Variants in TEX15 observed in about 807,000 individuals in gnomAD.
The protein encoded by TEX15 is testis expressed 15, meiosis and synapsis associated.
In TEX15, 171 loss-of-function variants were observed where a neutral mutation model predicts 237.3. The ratio of observed to expected loss-of-function variants is 0.72; its 90% CI spans 0.64 to 0.82. The LOEUF is 0.82. Among genes scored for constraint, TEX15 ranks in the 40% least tolerant of loss-of-function variants. The pLI is 0.00. For missense variants in TEX15, 3,750 were observed against 3,646.5 expected (o/e 1.03, Z -0.73); for synonymous variants, 1,338 against 1,269.8 (o/e 1.05, Z -1.14).
rs61732459 is a variant in TEX15, at chr8:30,845,064, A to T, written c.5103T>A (p.Leu1701=). 3,837 of 1,613,544 alleles carry T rather than the reference A, an allele frequency of 2.4e-3. 93 individuals are homozygous for T. In the African/African-American group the frequency reaches 0.045, roughly 19 times the overall value. Residue 1701 remains leucine (L), a synonymous_variant, in exon 8 of 11, where the codon CTT becomes CTA. Coordinates refer to ENST00000643185, the MANE Select transcript of TEX15 (RefSeq NM_001350162.2). ...PKQNIITGNF[L]MGPLNLTLIA... is the part of the protein sequence containing the mutation. ...TCAAAGTTAGGTTTAATGGGCCCAT[A>T]AGGAAGTTTCCTGTAATAATGTTTT... is the stretch of plus-strand genomic sequence containing the variant.
chr8:30,859,011 A>AT (rs767146759), intron 6 of TEX15, among the ~76,000 whole-genome samples, 181 bp from the exon 7 acceptor site: 3 of 151,222 alleles, frequency 2.0e-5, no homozygotes, highest in Non-Finnish European at 4.4e-5. Context: ...CTCCCCCACA[A>AT]TTTTTTTTTG....
chr8:30,842,153 T>C lies in TEX15; in HGVS notation c.8014A>G (p.Ser2672Gly). Reference protein sequence around the residue: ...VKPGENNNKFSISTMLPPVSE... With the variant: ...VKPGENNNKFGISTMLPPVSE... ...ACTGGGGGCAACATCGTAGAAATAC[T>C]AAATTTATTGTTATTTTCCCCAGGT... The change falls in exon 8 of 11, where the codon AGT becomes GGT. Residue 2672 changes from serine to glycine, a missense_variant. Transcript: ENST00000643185. The C allele has an allele frequency of 6.2e-7, 1 of 1,612,824 alleles. No individual in the cohort carries two copies. Among genetic ancestry groups the C allele is most frequent in the African/African-American group, 1.3e-5 (1 of 74,956 alleles).
At position 30,847,147 on chromosome 8, in the gene TEX15, A is replaced by C; in HGVS notation, c.3020T>G (p.Phe1007Cys). 1 of 1,613,902 alleles carries C rather than the reference A, an allele frequency of 6.2e-7. No homozygotes were observed. Among genetic ancestry groups the C allele is most frequent in the Non-Finnish European group, 8.5e-7 (1 of 1,179,852 alleles). Residue 1007 changes from phenylalanine (F) to cysteine (C), a missense_variant, in exon 8 of 11, where the codon TTT becomes TGT. Coordinates refer to ENST00000643185, the MANE Select transcript of TEX15 (RefSeq NM_001350162.2). The part of the protein sequence containing the change: ...LNNDDHQIYQ[F>C]KETCSSESPD... ...ACTTTCAGAAGAACAAGTTTCTTTA[A>C]ACTGGTATATCTGGTGATCGTCATT...
chr8:30,874,555 C>T (rs538184480), intron 4 of TEX15, among the ~76,000 whole-genome samples: 3 of 152,196 alleles, frequency 2.0e-5, no homozygotes, highest in African/African-American at 7.2e-5. Context: ...AACATCAACC[C>T]AGTCTCTTAA....
chr8:30,880,089 C>T (rs895767510), intron 3 of TEX15, among the ~76,000 whole-genome samples: 3 of 152,118 alleles, frequency 2.0e-5, no homozygotes, highest in African/African-American at 7.2e-5. Flanking sequence ...AATGCAGTGG[C>T]GTGAGCTCAG....
intron 1 of TEX15, among the ~76,000 whole-genome samples, chr8:30,912,106 G>T (rs1186162175): frequency 6.6e-6 from 1 of 152,212 alleles, no homozygotes; most frequent in African/African-American, 2.4e-5. Flanking sequence ...AGGCGCCCGC[G>T]TCGGAGCCCA....
intron 2 of TEX15, among the ~76,000 whole-genome samples, chr8:30,898,105 C>T (rs1459522605): frequency 1.3e-5 from 2 of 152,184 alleles, no homozygotes; most frequent in Non-Finnish European, 2.9e-5. Flanking sequence ...AAATTAAGGT[C>T]AATTATGTAC....
At position 30,836,495 on chromosome 8, in the gene TEX15, A is replaced by G. The variant is rs149658731; in HGVS notation, c.9481+308T>C. On this transcript the variant is annotated intron_variant, in intron 10 of 10. Coordinates refer to ENST00000643185, the MANE Select transcript of TEX15 (RefSeq NM_001350162.2). ...CCAAAGTGCTGGGATTACAGGTGTG[A>G]GCCACTGCGCCCAGCCCCACTGTAT... 5.3e-3 allele frequency among the ~76,000 whole-genome samples: 801 copies of G among 152,188 alleles called. 5 individuals carry two copies. Among genetic ancestry groups the G allele is most frequent in the African/African-American group, 0.018 (738 of 41,506 alleles).
chr8:30,838,190 G>A (rs1002334318), intron 9 of TEX15, 129 bp from the exon 10 acceptor site: 1 of 800,714 alleles, frequency 1.2e-6, no homozygotes, highest in Admixed American at 3.5e-5. Context: ...CCATTCTATT[G>A]GCACTATACA....
intron 3 of TEX15, among the ~76,000 whole-genome samples, chr8:30,882,446 C>T (rs773713032): frequency 3.3e-5 from 5 of 152,158 alleles, no homozygotes; most frequent in African/African-American, 4.8e-5. Context: ...GCCACCATGC[C>T]CGGCTATTTT....
At chr8:30,838,998 T>C (rs376599855) in intron 9 of TEX15, among the ~76,000 whole-genome samples, 1 of 151,494 alleles carries the variant, frequency 6.6e-6, no homozygotes, top group Non-Finnish European at 1.5e-5. Flanking sequence ...ATATTTTTAG[T>C]AGAGATAGTG....
intron 2 of TEX15, among the ~76,000 whole-genome samples, chr8:30,889,904 G>A (rs910542451): frequency 8.1e-6 from 1 of 123,114 alleles, no homozygotes; most frequent in Non-Finnish European, 1.6e-5. Context: ...GTCCTACAAT[G>A]ATTATATATA....
rs761169389 is a variant in TEX15, at chr8:30,844,404, T to C, written c.5763A>G (p.Lys1921=). 2 of 1,610,828 alleles carry C rather than the reference T, an allele frequency of 1.2e-6. No individual in the cohort carries two copies. Among genetic ancestry groups the C allele is most frequent in the Non-Finnish European group, 1.7e-6 (2 of 1,178,802 alleles). Residue 1921 remains lysine, a synonymous_variant, in exon 8 of 11, where the codon AAA becomes AAG. Transcript: ENST00000643185. The part of the protein sequence containing the change: ...LKNTVSNPLN[K]REKKGEIKVS... ...CTTTAATTTCCCCCTTCTTCTCTCT[T>C]TTGTTAAGCGGATTAGAAACTGTGT...
At chr8:30,895,967 C>T (rs1237389455) in intron 2 of TEX15, among the ~76,000 whole-genome samples, 1 of 152,084 alleles carries the variant, frequency 6.6e-6, no homozygotes, top group Non-Finnish European at 1.5e-5. Context: ...TAGGTGTGAG[C>T]TACCATGCCT....
chr8:30,854,677 A>G (rs1222670499), intron 7 of TEX15, among the ~76,000 whole-genome samples: 1 of 152,132 alleles, frequency 6.6e-6, no homozygotes. Flanking sequence ...CCAAAACCAG[A>G]CAAAGACATC....
intron 7 of TEX15, among the ~76,000 whole-genome samples, chr8:30,850,754 GA>G (rs1807763577): frequency 6.6e-6 from 1 of 151,966 alleles, no homozygotes; most frequent in Non-Finnish European, 1.5e-5. Flanking sequence ...CTTGGCATAG[GA>G]AAGTACTTTT....
At chr8:30,850,171 A>C (rs1807746570) in intron 7 of TEX15, among the ~76,000 whole-genome samples, 1 of 152,186 alleles carries the variant, frequency 6.6e-6, no homozygotes, top group African/African-American at 2.4e-5. Flanking sequence ...CAGGAGCCAA[A>C]GCAAACTACT....
Position 30,842,589 on chromosome 8 carries a change from G to A in TEX15, c.7578C>T (p.Cys2526=). The A allele has an allele frequency of 6.2e-7, 1 of 1,610,580 alleles. No individual in the cohort carries two copies. Residue 2526 remains cysteine, a synonymous_variant, in exon 8 of 11, where the codon TGC becomes TGT. Coordinates refer to ENST00000643185, the MANE Select transcript of TEX15 (RefSeq NM_001350162.2). ...SELKKDLDII[C]KYNEAVNCSY... ...AGCAATTAACAGCTTCATTATATTT[G>A]CAGATAATATCCAGATCTTTCTTAA...
chr8:30,843,163 T>A lies in TEX15; in HGVS notation c.7004A>T (p.Asp2335Val). Residue 2335 changes from aspartate to valine, a missense_variant, in exon 8 of 11, where the codon GAT (aspartate) becomes GTT (valine). Physicochemically the swap from Asp to Val is radical, Grantham distance 152. Transcript: ENST00000643185. ...TGACTTTCTGGAAGCAATTATAGTATCCTCCTCAAGCCCAATAGGGGAAAT... is the reference window on the plus strand; with the variant it reads ...TGACTTTCTGGAAGCAATTATAGTAACCTCCTCAAGCCCAATAGGGGAAAT... Reference protein sequence around the residue: ...EPISPIGLEEDTIIASRKSDH... With the variant: ...EPISPIGLEEVTIIASRKSDH... The A allele has an allele frequency of 6.2e-7, 1 of 1,613,400 alleles. No individual in the cohort carries two copies. The highest frequency in any genetic ancestry group is 8.5e-7 in the Non-Finnish European group (1 of 1,179,618).
Sources: gnomAD v4.1 joint callset for allele counts (sites outside exome capture counted in the v4.1 genomes callset) on GRCh38, gnomAD v4.1.1 for gene constraint, MANE v1.5 for transcripts, NCBI Gene and HGNC (gene_info 2026-07-23, HGNC 2026-07-21) for gene names.